Variants in NPHP4 observed in about 807,000 individuals in gnomAD.
NPHP4 encodes nephrocystin-4.
In NPHP4, 151 loss-of-function variants were observed where a neutral mutation model predicts 155.8. That is an observed-to-expected ratio of 0.97 (90% confidence interval 0.85 to 1.11). The LOEUF is 1.11. Ranked by LOEUF, NPHP4 falls within the 50% of genes least tolerant of loss-of-function variation. The probability of loss-of-function intolerance (pLI) is 0.00; values close to 1 mark genes in which losing one functional copy is unlikely to be tolerated. For missense variants in NPHP4, 1,956 were observed against 1,925.7 expected (o/e 1.02, Z -0.29); for synonymous variants, 845 against 816.8 (o/e 1.03, Z -0.59).
chr1:5,983,241 C>T (rs1201860923), intron 2 of NPHP4, among the ~76,000 whole-genome samples: 5 of 152,102 alleles, frequency 3.3e-5, no homozygotes, highest in East Asian at 3.8e-4. Context: ...TCCAATTTTG[C>T]TCTTTTGTAC....
chr1:5,919,042 G>A (rs991229797), intron 11 of NPHP4, among the ~76,000 whole-genome samples: 3 of 152,334 alleles, frequency 2.0e-5, no homozygotes, highest in African/African-American at 4.8e-5. Flanking sequence ...CAATCTGTGC[G>A]TATCAACAAA....
intron 16 of NPHP4, among the ~76,000 whole-genome samples, chr1:5,900,576 G>C (rs1232592390): frequency 6.6e-6 from 1 of 152,150 alleles, no homozygotes; most frequent in Non-Finnish European, 1.5e-5. Context: ...GGAGCGCAGG[G>C]GAGGTGTAGG....
At chr1:5,914,024 C>T (rs571767396) in intron 11 of NPHP4, among the ~76,000 whole-genome samples, 2 of 152,094 alleles carry the variant, frequency 1.3e-5, no homozygotes, top group East Asian at 1.9e-4. Flanking sequence ...TCATCACGCA[C>T]GCGGGCCAGG....
chr1:5,947,256 C>T (rs776841692), intron 8 of NPHP4, 26 bp from the exon 9 acceptor site: 2 of 1,610,320 alleles, frequency 1.2e-6, no homozygotes, highest in Non-Finnish European at 8.5e-7. Context: ...AAACCAGGGA[C>T]ACATTAGAGC....
chr1:5,887,571 G>T, intron 17 of NPHP4, 105 bp from the exon 18 acceptor site: 2 of 1,224,308 alleles, frequency 1.6e-6, no homozygotes, highest in East Asian at 2.4e-5. Flanking sequence ...AAGCCACTGT[G>T]GGCGGGAGGG....
At position 5,958,350 on chromosome 1, in the gene NPHP4, T is replaced by TGAGAC. The variant is rs1275427958; in HGVS notation, c.673+3439_673+3443dup. ...TCCTTGATGCTGGAGCTCAGGAGTT[T>TGAGAC]GAGACCAGCCTGGGCAACACGGAGA... On this transcript the variant is annotated intron_variant, in intron 6 of 29. Coordinates refer to ENST00000378156, the MANE Select transcript of NPHP4 (RefSeq NM_015102.5). Among the ~76,000 whole-genome samples the TGAGAC allele has an allele frequency of 2.0e-5, 3 of 152,082 alleles. No homozygotes were observed. The East Asian group carries it at 5.8e-4, about 29-fold the overall frequency.
intron 6 of NPHP4, among the ~76,000 whole-genome samples, chr1:5,961,360 T>C (rs963867056): frequency 6.6e-6 from 1 of 152,196 alleles, no homozygotes; most frequent in Non-Finnish European, 1.5e-5. Flanking sequence ...AATGTACTTA[T>C]TGCCACTGAA....
chr1:5,907,591 G>C (rs1455848041), intron 12 of NPHP4, among the ~76,000 whole-genome samples: 1 of 152,238 alleles, frequency 6.6e-6, no homozygotes, highest in Non-Finnish European at 1.5e-5. Flanking sequence ...GCCAGTTCTA[G>C]CCGCCTGCGT....
chr1:5,890,238 G>A lies in NPHP4; in HGVS notation c.2304+630C>T, dbSNP rs76973815. Among the ~76,000 whole-genome samples, 1,035 of 152,280 alleles carry A rather than the reference G, an allele frequency of 6.8e-3. 6 individuals carry two copies. Among genetic ancestry groups the A allele is most frequent in the Middle Eastern group, 0.014 (4 of 294 alleles). On this transcript the variant is annotated intron_variant, in intron 17 of 29. Coordinates refer to ENST00000378156, the MANE Select transcript of NPHP4 (RefSeq NM_015102.5). The surrounding 1 kb of genome is among the most constrained non-coding windows in gnomAD (Gnocchi z 4.9). ...CTCCCAGCTCCGTCCCGTGGCCTGA[G>A]AGAAGTCTCAGGACACCATGGTAGC...
intron 11 of NPHP4, among the ~76,000 whole-genome samples, chr1:5,919,102 T>C (rs1050459672): frequency 1.3e-5 from 2 of 152,218 alleles, no homozygotes; most frequent in African/African-American, 4.8e-5. Flanking sequence ...CGCCTATATA[T>C]ACCAGCGGAG....
At chr1:5,880,362 G>A in intron 18 of NPHP4, 123 bp from the exon 19 acceptor site, 1 of 905,426 alleles carries the variant, frequency 1.1e-6, no homozygotes, top group African/African-American at 1.7e-5. Context: ...ACACGCTAAG[G>A]CCCCACCGCC....
chr1:5,906,989 C>T, intron 13 of NPHP4, 126 bp downstream of exon 13: 3 of 507,122 alleles, frequency 5.9e-6, no homozygotes, highest in Non-Finnish European at 1.1e-5. Context: ...CTCCCACCCA[C>T]ATCCCAGGTA....
intron 6 of NPHP4, among the ~76,000 whole-genome samples, chr1:5,954,181 C>T (rs910305465): frequency 3.3e-5 from 5 of 152,106 alleles, no homozygotes; most frequent in Non-Finnish European, 5.9e-5. Context: ...CAAGAATATT[C>T]ATTGAAACTT....
At chr1:5,894,401 G>C (rs1440502168) in intron 16 of NPHP4, among the ~76,000 whole-genome samples, 1 of 149,238 alleles carries the variant, frequency 6.7e-6, no homozygotes, top group African/African-American at 2.5e-5. Flanking sequence ...AGTAAGCTGA[G>C]ATCACGCCAC....
intron 10 of NPHP4, among the ~76,000 whole-genome samples, chr1:5,932,230 C>G (rs1048705577): frequency 3.3e-5 from 5 of 152,178 alleles, no homozygotes; most frequent in Non-Finnish European, 5.9e-5. Flanking sequence ...AACAAGACCA[C>G]AATGCAAGTT....
rs1644061004 is a variant in NPHP4, at chr1:5,890,441, A to T, written c.2304+427T>A. ...TAAAAGAGATTCTAATTTTCACCAG[A>T]ATGAGAAAAGAACAACACGTCACTG... is the stretch of plus-strand genomic sequence containing the variant. On this transcript the variant is annotated intron_variant, in intron 17 of 29. Transcript: ENST00000378156. The surrounding 1 kb of genome is among the most constrained non-coding windows in gnomAD (Gnocchi z 4.9). 6.6e-6 allele frequency among the ~76,000 whole-genome samples: 1 copy of T among 152,136 alleles called. No individual in the cohort carries two copies. The highest frequency in any genetic ancestry group is 1.5e-5 in the Non-Finnish European group (1 of 68,040).
intron 6 of NPHP4, among the ~76,000 whole-genome samples, chr1:5,960,717 A>T (rs1321685829): frequency 6.6e-6 from 1 of 152,180 alleles, no homozygotes; most frequent in African/African-American, 2.4e-5. Flanking sequence ...TGCCTGGAAG[A>T]AGCATGCAGC....
intron 16 of NPHP4, among the ~76,000 whole-genome samples, chr1:5,899,411 C>T (rs762468126): frequency 6.6e-6 from 1 of 152,116 alleles, no homozygotes; most frequent in South Asian, 2.1e-4. Context: ...CAAAACAGAA[C>T]ATAAAACATG....
chr1:5,888,718 T>C, intron 17 of NPHP4: 1 of 791,662 alleles, frequency 1.3e-6, no homozygotes, highest in East Asian at 5.5e-5. Context: ...ATTATCAAAA[T>C]GGCCACTGGC....
Sources: gnomAD v4.1 joint callset for allele counts (sites outside exome capture counted in the v4.1 genomes callset) on GRCh38, gnomAD v4.1.1 for gene constraint, Gnocchi (gnomAD v3.1) non-coding constraint, MANE v1.5 for transcripts, NCBI Gene and HGNC (gene_info 2026-07-23, HGNC 2026-07-21) for gene names.